The following CKAP5 variants were observed in gnomAD, a reference collection of about 807,000 sequenced individuals.
CKAP5 encodes cytoskeleton associated protein 5, also known as cytoskeleton-associated protein 5.
In CKAP5, 27 loss-of-function variants were observed where a neutral mutation model predicts 232.8. The ratio of observed to expected loss-of-function variants is 0.12; its 90% CI spans 0.09 to 0.16. CKAP5 has a LOEUF of 0.16. Ranked by LOEUF, CKAP5 falls within the 10% of genes least tolerant of loss-of-function variation. CKAP5 has a pLI of 1.00. For missense variants in CKAP5, 1,838 were observed against 2,424.7 expected (o/e 0.76, Z 5.08); for synonymous variants, 785 against 841.1 (o/e 0.93, Z 1.16).
intron 3 of CKAP5, 92 bp downstream of exon 3, chr11:46,818,218 C>A: frequency 1.0e-6 from 1 of 957,714 alleles, no homozygotes. Flanking sequence ...TATTCTAAAA[C>A]TGCTAATAAC....
intron 18 of CKAP5, among the ~76,000 whole-genome samples, chr11:46,781,754 A>G (rs980966319): frequency 2.6e-5 from 4 of 152,118 alleles, no homozygotes; most frequent in African/African-American, 9.7e-5. Flanking sequence ...AAACAACACC[A>G]TCTAAACTAT....
intron 8 of CKAP5, among the ~76,000 whole-genome samples, chr11:46,802,557 G>GACACACACACACACACACAC (rs1254439046): frequency 6.8e-6 from 1 of 147,448 alleles, no homozygotes; most frequent in African/African-American, 2.5e-5. Context: ...CAGACAGACA[G>GACACACACACACACACACAC]ACACACACAC....
intron 38 of CKAP5, 135 bp downstream of exon 38, chr11:46,752,500 C>A (rs147431080): frequency 1.8e-6 from 1 of 563,290 alleles, no homozygotes. Flanking sequence ...ATTTTTATTA[C>A]GAAAAATATA....
At chr11:46,754,065 C>T (rs912076392) in intron 36 of CKAP5, among the ~76,000 whole-genome samples, 1 of 151,870 alleles carries the variant, frequency 6.6e-6, no homozygotes, top group Non-Finnish European at 1.5e-5. Context: ...GTGGCACGAT[C>T]TCGGCTCACT....
chr11:46,823,968 T>C (rs1335147209), intron 1 of CKAP5, among the ~76,000 whole-genome samples: 1 of 152,210 alleles, frequency 6.6e-6, no homozygotes, highest in Non-Finnish European at 1.5e-5. Flanking sequence ...ATATCTATTC[T>C]GAATCAGGCA....
chr11:46,817,265 C>T (rs1939424480), intron 3 of CKAP5, among the ~76,000 whole-genome samples: 1 of 152,138 alleles, frequency 6.6e-6, no homozygotes, highest in Non-Finnish European at 1.5e-5. Context: ...CAGGCACATG[C>T]CACTGCATCT....
At chr11:46,796,785 T>C (rs1297230853) in intron 12 of CKAP5, 27 bp downstream of exon 12, 1 of 1,611,594 alleles carries the variant, frequency 6.2e-7, no homozygotes, top group Non-Finnish European at 8.5e-7. Flanking sequence ...TGTTGTCCAA[T>C]TTCAGTCCAA....
At chr11:46,834,732 T>C (rs1939877445) in intron 1 of CKAP5, among the ~76,000 whole-genome samples, 1 of 152,134 alleles carries the variant, frequency 6.6e-6, no homozygotes, top group African/African-American at 2.4e-5. Context: ...TGGAGGAATC[T>C]CCCATATTAA....
intron 27 of CKAP5, among the ~76,000 whole-genome samples, chr11:46,765,952 TTATCA>T (rs1399136900): frequency 8.5e-5 from 13 of 152,230 alleles, no homozygotes; most frequent in African/African-American, 3.1e-4. Context: ...AATGTATCTC[TTATCA>T]TAACAGTGTA....
At chr11:46,822,145 G>A (rs1440427950) in intron 1 of CKAP5, among the ~76,000 whole-genome samples, 1 of 152,086 alleles carries the variant, frequency 6.6e-6, no homozygotes, top group African/African-American at 2.4e-5. Context: ...CAGGCGTAGT[G>A]GTGTGTGTGC....
At chr11:46,781,809 T>C (rs2065344233) in intron 18 of CKAP5, among the ~76,000 whole-genome samples, 1 of 152,054 alleles carries the variant, frequency 6.6e-6, no homozygotes, top group South Asian at 2.1e-4. Flanking sequence ...TACATAAACA[T>C]ATATATGTAA....
chr11:46,845,504 C>G (rs1940164840), intron 1 of CKAP5, among the ~76,000 whole-genome samples: 1 of 152,304 alleles, frequency 6.6e-6, no homozygotes, highest in Non-Finnish European at 1.5e-5. Context: ...TCAACAATTA[C>G]CACGATTACA....
At chr11:46,750,228 G>C in intron 42 of CKAP5, 46 bp downstream of exon 42, 1 of 1,577,108 alleles carries the variant, frequency 6.3e-7, no homozygotes, top group East Asian at 2.2e-5. Flanking sequence ...TCCTGTGCTA[G>C]GAGCTATTTT....
intron 42 of CKAP5, among the ~76,000 whole-genome samples, chr11:46,748,891 A>G (rs1404638927): frequency 6.6e-6 from 1 of 151,102 alleles, no homozygotes; most frequent in East Asian, 2.1e-4. Flanking sequence ...GAGTGCAGTG[A>G]TGCGATCTCG....
chr11:46,751,345 C>T lies in CKAP5; in HGVS notation c.5322+1G>A. ...AGAGACCAGTTGCGATTCTTACTCA[C>T]CTTGGGCCCTTTTAATTTGCATAAG... On this transcript the variant is annotated splice_donor_variant, in intron 39 of 43. Coordinates refer to ENST00000529230, the MANE Select transcript of CKAP5 (RefSeq NM_001008938.4). LOFTEE classifies it high-confidence loss of function. The T allele has an allele frequency of 6.2e-7, 1 of 1,613,674 alleles. No individual in the cohort carries two copies. The highest frequency in any genetic ancestry group is 8.5e-7 in the Non-Finnish European group (1 of 1,179,824).
At chr11:46,769,922 G>C in intron 26 of CKAP5, 41 bp downstream of exon 26, 1 of 1,608,142 alleles carries the variant, frequency 6.2e-7, no homozygotes, top group Non-Finnish European at 8.5e-7. Flanking sequence ...AGTTCCTCAG[G>C]GCTATTTCCT....
chr11:46,805,665 G>A (rs1019814239), intron 8 of CKAP5, among the ~76,000 whole-genome samples: 1 of 152,228 alleles, frequency 6.6e-6, no homozygotes, highest in Non-Finnish European at 1.5e-5. Flanking sequence ...GCTGGGCACC[G>A]TGGCTCATGC....
At chr11:46,827,701 GTAAA>G (rs1939687267) in intron 1 of CKAP5, among the ~76,000 whole-genome samples, 1 of 152,154 alleles carries the variant, frequency 6.6e-6, no homozygotes, top group Admixed American at 6.5e-5. Context: ...AAAAGTCAAC[GTAAA>G]TAAATGTACA....
chr11:46,777,635 A>C, intron 22 of CKAP5, 83 bp from the exon 23 acceptor site: 1 of 844,858 alleles, frequency 1.2e-6, no homozygotes, highest in South Asian at 1.5e-5. Flanking sequence ...CTATACTGTC[A>C]ATACAGCAGG....
Sources: gnomAD v4.1 joint callset for allele counts (sites outside exome capture counted in the v4.1 genomes callset) on GRCh38, gnomAD v4.1.1 for gene constraint, MANE v1.5 for transcripts, NCBI Gene and HGNC (gene_info 2026-07-23, HGNC 2026-07-21) for gene names.